Variants in MBNL3 observed in about 807,000 individuals in gnomAD.
MBNL3 encodes the protein muscleblind-like protein 3.
Under a neutral mutation model 24.5 loss-of-function variants are expected in MBNL3, and 6 were observed. The observed-to-expected ratio is 0.25, with a 90% CI of 0.13 to 0.48. The LOEUF is 0.48. Ranked by LOEUF, MBNL3 falls within the 20% of genes least tolerant of loss-of-function variation. MBNL3 has a pLI of 0.99. For missense variants in MBNL3, 230 were observed against 293.5 expected, an observed-to-expected ratio of 0.78 and a Z score of 1.58; for synonymous variants, 100 against 101.7, an observed-to-expected ratio of 0.98 and a Z score of 0.10.
intron 2 of MBNL3, chrX:132,432,950 C>T (rs1269355719): frequency 2.7e-5 from 3 of 111,555 alleles, no homozygotes; most frequent in Non-Finnish European, 3.8e-5. Context: ...GCAACTTACA[C>T]TCGCAACTAA....
intron 2 of MBNL3, among the ~76,000 whole-genome samples, chrX:132,428,524 A>AC (rs1944490209): frequency 1.8e-5 from 2 of 110,785 alleles, no homozygotes; most frequent in African/African-American, 6.6e-5. Context: ...TAAAAAAAAA[A>AC]AACCATAAAT....
rs1938764773 is a variant in MBNL3, at chrX:132,396,570, ATATATATTCCTATATATATTCC to A, written c.343-4258_343-4237del. Among the ~76,000 whole-genome samples the A allele has an allele frequency of 8.5e-5, 3 of 35,501 alleles. 1 individual carries two copies. The highest frequency in any genetic ancestry group is 1.2e-4 in the Non-Finnish European group (3 of 24,404). 30.8% of individuals were successfully genotyped at this position (35,501 alleles called of 115,157 possible). A position where few individuals can be genotyped will look rare whatever the true frequency, so the allele number is the denominator to read the frequency against. On this transcript the variant is annotated intron_variant, in intron 3 of 8. Transcript: ENST00000370853. ...CCTATATATTCCTATATATATTCCT[ATATATATTCCTATATATATTCC>A]TATATATATTCCTATATATATTCAT...
rs1442901582 is a variant in MBNL3 at position 132,487,383 on chromosome X, G to C, written c.-704+1468C>G. 4.5e-5 allele frequency among the ~76,000 whole-genome samples: 5 copies of C among 112,169 alleles called. No individual in the cohort carries two copies. In the South Asian group the frequency reaches 1.1e-3, roughly 25 times the overall value. The stretch of plus-strand genomic sequence containing the variant: ...GAATTGCCCCACATACTTCTTTCAA[G>C]AATAATATGAAAAACTGCTGAAAAT... On this transcript the variant is annotated intron_variant, in intron 1 of 8. Coordinates refer to ENST00000370853, the MANE Select transcript of MBNL3 (RefSeq NM_001386889.1).
chrX:132,483,717 C>T (rs976410216), intron 1 of MBNL3, among the ~76,000 whole-genome samples: 1 of 112,251 alleles, frequency 8.9e-6, no homozygotes, highest in African/African-American at 3.2e-5. Flanking sequence ...ATCCTCTGGG[C>T]ACAAAAGATG....
intron 3 of MBNL3, among the ~76,000 whole-genome samples, chrX:132,403,667 C>T (rs1007279031): frequency 1.3e-4 from 14 of 111,629 alleles, no homozygotes; most frequent in African/African-American, 3.6e-4. Context: ...TGAGCCAGCA[C>T]GATCAATAAC....
intron 7 of MBNL3, among the ~76,000 whole-genome samples, chrX:132,384,359 C>A (rs1416118183): frequency 3.6e-5 from 4 of 112,287 alleles, no homozygotes; most frequent in African/African-American, 1.3e-4. Flanking sequence ...AACAAAACTG[C>A]CCAGTCTGGC....
chrX:132,429,203 C>T (rs1017737500), intron 2 of MBNL3, among the ~76,000 whole-genome samples: 5 of 112,628 alleles, frequency 4.4e-5, no homozygotes, highest in Non-Finnish European at 9.4e-5. Context: ...GTATAAAATA[C>T]TTGACCCATA....
rs980727461 is a variant in MBNL3 at position 132,377,492 on chromosome X, G to GTATCAA, written c.*2168_*2173dup. On this transcript the variant is annotated 3_prime_UTR_variant, in exon 9 of 9. Transcript: ENST00000370853. The stretch of plus-strand genomic sequence containing the variant: ...TGGATGGATAATTAAGATCAACAGA[G>GTATCAA]TATCAATTCCCAGAAAGCTAATTTT... 3.6e-4 allele frequency: 40 copies of GTATCAA among 111,517 alleles called. No homozygotes were observed. The highest frequency in any genetic ancestry group is 1.2e-3 in the African/African-American group (38 of 30,754). 9.2% of individuals were successfully genotyped at this position (111,517 alleles called of 1,213,427 possible). A position where few individuals can be genotyped will look rare whatever the true frequency, so the allele number is the denominator to read the frequency against.
chrX:132,488,388 T>G (rs963034173), intron 1 of MBNL3, among the ~76,000 whole-genome samples: 1 of 111,500 alleles, frequency 9.0e-6, no homozygotes, highest in African/African-American at 3.3e-5. Flanking sequence ...TAAAGTTCCC[T>G]TTTTAATAGT....
At chrX:132,406,168 T>C in intron 3 of MBNL3, 60 bp downstream of exon 3, 1 of 1,168,998 alleles carries the variant, frequency 8.6e-7, no homozygotes, top group Non-Finnish European at 1.2e-6. Context: ...CCCAAGTCCC[T>C]GCCAGGTTAT....
At position 132,392,219 on chromosome X, in the gene MBNL3, A is replaced by G. The variant is rs773619074; in HGVS notation, c.458T>C (p.Val153Ala). The G allele has an allele frequency of 1.7e-6, 2 of 1,209,075 alleles. No homozygotes were observed. The highest frequency in any genetic ancestry group is 3.5e-5 in the African/African-American group (2 of 57,092). Residue 153 changes from valine (V) to alanine (A), a missense_variant, in exon 4 of 9, where the codon GTT becomes GCT. Physicochemically the swap from Val to Ala is moderately conservative, Grantham distance 64. Coordinates refer to ENST00000370853, the MANE Select transcript of MBNL3 (RefSeq NM_001386889.1). ...AAGAGGTGGGTTTCCAGGAATCAGA[A>G]CAGGTGTATTTGGTACAAGTTCTGC... is the stretch of plus-strand genomic sequence containing the variant. ...VPAELVPNTP[V>A]LIPGNPPLAM...
chrX:132,449,977 G>C (rs1238946301), intron 1 of MBNL3, among the ~76,000 whole-genome samples: 5 of 25,460 alleles, frequency 2.0e-4, no homozygotes, highest in Non-Finnish European at 2.1e-4. Context: ...GCTGAATATT[G>C]CCCCCCCCCC....
chrX:132,389,638 T>TG (rs199865110), intron 5 of MBNL3, among the ~76,000 whole-genome samples: 1,417 of 110,933 alleles, frequency 0.013, 24 homozygotes, highest in African/African-American at 0.043. Flanking sequence ...CCAGGGAACA[T>TG]GAGGTTTCCT....
In MBNL3 at chrX:132,452,998, C is replaced by T. The variant is rs140013199; in HGVS notation, c.-703-12684G>A. The stretch of plus-strand genomic sequence containing the variant: ...CTGGGCCTTAAAGAATGAGAAGGAT[C>T]TAGATGAAGGCAAGAGAGGCAGATA... On this transcript the variant is annotated intron_variant, in intron 1 of 8. Coordinates refer to ENST00000370853, the MANE Select transcript of MBNL3 (RefSeq NM_001386889.1). 1.4e-3 allele frequency among the ~76,000 whole-genome samples: 153 copies of T among 111,807 alleles called. 1 individual carries two copies. Among genetic ancestry groups the T allele is most frequent in the African/African-American group, 4.7e-3 (146 of 30,775 alleles).
At chrX:132,456,322 A>T (rs1603260599) in intron 1 of MBNL3, among the ~76,000 whole-genome samples, 1 of 112,399 alleles carries the variant, frequency 8.9e-6, no homozygotes, top group Non-Finnish European at 1.9e-5. Context: ...GAGTGAGTTT[A>T]GGATTCACAA....
intron 2 of MBNL3, chrX:132,413,658 A>G: frequency 9.7e-7 from 1 of 1,029,639 alleles, no homozygotes; most frequent in African/African-American, 1.9e-5. Context: ...CCTCCCACCA[A>G]AAGCTTCACA....
At position 132,390,852 on chromosome X, in the gene MBNL3, C is replaced by T. The variant is rs752141285; in HGVS notation, c.766G>A (p.Ala256Thr). The change falls in exon 5 of 9, where the codon GCC becomes ACC. Residue 256 changes from alanine to threonine, a missense_variant. By Grantham distance (58) the Ala-to-Thr change is moderately conservative. Transcript: ENST00000370853. Reference protein sequence around the residue: ...HHQMNHSAASAMALQPGTLQL... With the variant: ...HHQMNHSAASTMALQPGTLQL... ...AAGTGCAGGCCTTTTCTTACCATGG[C>T]AGAGGCAGCTGAATGGTTCATCTGA... The T allele has an allele frequency of 2.5e-6, 3 of 1,204,501 alleles. No individual in the cohort carries two copies. In the African/African-American group the frequency reaches 5.3e-5, roughly 21 times the overall value.
chrX:132,381,471 T>C (rs1201297141), intron 8 of MBNL3: 3 of 895,840 alleles, frequency 3.3e-6, no homozygotes, highest in Non-Finnish European at 4.7e-6. Context: ...AAATAGTTTC[T>C]TGGGAGAATT....
In MBNL3 at chrX:132,372,019, T is replaced by C. The variant is rs1933656173; in HGVS notation, c.*7647A>G. The C allele has an allele frequency of 9.0e-6, 1 of 111,236 alleles. No individual in the cohort carries two copies. The highest frequency in any genetic ancestry group is 3.3e-5 in the African/African-American group (1 of 30,739). The allele number at this position is 111,236 out of a possible 1,213,427, so 9.2% of individuals were successfully genotyped here. On this transcript the variant is annotated 3_prime_UTR_variant, in exon 9 of 9. Transcript: ENST00000370853. Reference sequence around the variant, plus strand: ...ACATAACCAAGAAGTTTATGCATTTTATTAGAAGAACAAAAAATAAACATA... The same window carrying C: ...ACATAACCAAGAAGTTTATGCATTTCATTAGAAGAACAAAAAATAAACATA...
Sources: allele counts gnomAD v4.1 joint callset (sites outside exome capture counted in the v4.1 genomes callset), GRCh38; gene constraint gnomAD v4.1.1; transcripts MANE v1.5; gene names NCBI Gene and HGNC (gene_info 2026-07-23, HGNC 2026-07-21).